TIMP3: variants seen among roughly 807,000 people sequenced by gnomAD.
TIMP3 encodes TIMP metallopeptidase inhibitor 3.
In TIMP3, 11 loss-of-function variants were observed where a neutral mutation model predicts 30.0. The observed-to-expected ratio is 0.37, with a 90% confidence interval of 0.23 to 0.61. TIMP3 has a LOEUF of 0.61. Ranked by LOEUF, TIMP3 falls within the 20% of genes least tolerant of loss-of-function variation. The pLI is 0.70. For missense variants in TIMP3, 181 were observed against 276.8 expected (o/e 0.65, Z 2.45); for synonymous variants, 112 against 111.3 (o/e 1.01, Z -0.04).
chr22:32,854,907 A>G (rs750367338), intron 2 of TIMP3, among the ~76,000 whole-genome samples: 2 of 152,200 alleles, frequency 1.3e-5, no homozygotes, highest in African/African-American at 4.8e-5. Flanking sequence ...AAGTTATGCT[A>G]TGAAGGTCTT....
chr22:32,804,287 C>A (rs1178228143), intron 1 of TIMP3, among the ~76,000 whole-genome samples: 1 of 152,152 alleles, frequency 6.6e-6, no homozygotes, highest in Non-Finnish European at 1.5e-5. Flanking sequence ...TGCTTGCCTG[C>A]CGACCTCCCT....
At chr22:32,820,667 C>T (rs2047220826) in intron 1 of TIMP3, among the ~76,000 whole-genome samples, 2 of 152,140 alleles carry the variant, frequency 1.3e-5, no homozygotes, top group African/African-American at 4.8e-5. Context: ...CGTGGCATCA[C>T]CAGGACCTGA....
chr22:32,810,924 G>A (rs949712014), intron 1 of TIMP3, among the ~76,000 whole-genome samples: 2 of 152,162 alleles, frequency 1.3e-5, no homozygotes, highest in Non-Finnish European at 2.9e-5. Flanking sequence ...AGTGAGCTCT[G>A]CTACTCCCAA....
In TIMP3 at chr22:32,818,888, G is replaced by A. The variant is rs776068567; in HGVS notation, c.121+16766G>A. Reference sequence around the variant, plus strand: ...ATGGGGCTCTGAAGCCACGGGCCAGGCAGGTAGTGGATTTCAAGCCAGCCA... The same window carrying A: ...ATGGGGCTCTGAAGCCACGGGCCAGACAGGTAGTGGATTTCAAGCCAGCCA... On this transcript the variant is annotated intron_variant, in intron 1 of 4. Transcript: ENST00000266085. 3.3e-4 allele frequency among the ~76,000 whole-genome samples: 51 copies of A among 152,322 alleles called. 1 individual carries two copies. The highest frequency in any genetic ancestry group is 6.3e-4 in the Non-Finnish European group (43 of 68,028).
rs556616090 is a variant in TIMP3 at position 32,860,565 on chromosome 22, C to T, written c.*1188C>T. 7 of 152,528 alleles carry T rather than the reference C, an allele frequency of 4.6e-5. No homozygotes were observed. In the East Asian group the frequency reaches 7.8e-4, roughly 17 times the overall value. The allele number at this position is 152,528 out of a possible 1,614,324, so 9.4% of individuals were successfully genotyped here. A position where few individuals can be genotyped will look rare whatever the true frequency, so the allele number is the denominator to read the frequency against. On this transcript the variant is annotated 3_prime_UTR_variant, in exon 5 of 5. Coordinates refer to ENST00000266085, the MANE Select transcript of TIMP3 (RefSeq NM_000362.5). ...TTCATTTTAATTAAAATTTGAAATT[C>T]TGAACACCGTCAGCACCCTCTCTTC...
At chr22:32,814,228 A>G (rs2047006719) in intron 1 of TIMP3, among the ~76,000 whole-genome samples, 1 of 142,032 alleles carries the variant, frequency 7.0e-6, no homozygotes, top group Non-Finnish European at 1.5e-5. Flanking sequence ...GGAAAGAAAG[A>G]AAAAAAAAGA....
At chr22:32,840,214 C>A (rs1319431192) in intron 1 of TIMP3, among the ~76,000 whole-genome samples, 2 of 152,164 alleles carry the variant, frequency 1.3e-5, no homozygotes, top group Admixed American at 6.5e-5. Context: ...TTTTTAGCCA[C>A]AGGCATTCAT....
At chr22:32,838,679 T>C (rs1357143204) in intron 1 of TIMP3, among the ~76,000 whole-genome samples, 1 of 152,042 alleles carries the variant, frequency 6.6e-6, no homozygotes, top group Non-Finnish European at 1.5e-5. Context: ...TTTTTACTTG[T>C]CCCTTCCTTT....
chr22:32,822,674 A>G (rs1175181621), intron 1 of TIMP3, among the ~76,000 whole-genome samples: 1 of 152,198 alleles, frequency 6.6e-6, no homozygotes, highest in African/African-American at 2.4e-5. Flanking sequence ...GAAGATCTGC[A>G]CTTCCTCTTC....
Position 32,818,176 on chromosome 22 carries a change from T to C in TIMP3, c.121+16054T>C, listed in dbSNP as rs373069909. On this transcript the variant is annotated intron_variant, in intron 1 of 4. Coordinates refer to ENST00000266085, the MANE Select transcript of TIMP3 (RefSeq NM_000362.5). ...AAAATTAATGGCACTGCCAGTTCAG[T>C]GGCTGCTCAGAGCGTTTTGGTGAAG... Among the ~76,000 whole-genome samples, 12 of 152,360 alleles carry C rather than the reference T, an allele frequency of 7.9e-5. No homozygotes were observed. In the South Asian group the frequency reaches 1.4e-3, roughly 18 times the overall value.
intron 1 of TIMP3, among the ~76,000 whole-genome samples, chr22:32,807,382 T>C: frequency 9.3e-6 from 1 of 107,532 alleles, no homozygotes; most frequent in East Asian, 2.5e-4. Flanking sequence ...ATATATAATA[T>C]ATATTATATA....
chr22:32,832,309 A>C (rs1368121799), intron 1 of TIMP3, among the ~76,000 whole-genome samples: 2 of 152,228 alleles, frequency 1.3e-5, no homozygotes, highest in African/African-American at 4.8e-5. Context: ...GAAATGCATG[A>C]GTTAGAAATA....
rs2047422340 is a variant in TIMP3 at position 32,826,634 on chromosome 22, CTA to C, written c.122-22816_122-22815del. ...AAGAAAGAAAAAAACTAGATATTCA[CTA>C]TGTGTCATCTTGTTGACTATTCTCT... On this transcript the variant is annotated intron_variant, in intron 1 of 4. Transcript: ENST00000266085. 2.6e-5 allele frequency among the ~76,000 whole-genome samples: 4 copies of C among 152,298 alleles called. No homozygotes were observed. In the South Asian group the frequency reaches 8.3e-4, roughly 32 times the overall value.
At chr22:32,816,122 G>A (rs2047082581) in intron 1 of TIMP3, among the ~76,000 whole-genome samples, 1 of 152,200 alleles carries the variant, frequency 6.6e-6, no homozygotes, top group Admixed American at 6.5e-5. Flanking sequence ...GTTAAGCAGG[G>A]TGGGAAGAAC....
At chr22:32,845,323 A>C (rs1018269306) in intron 1 of TIMP3, among the ~76,000 whole-genome samples, 2 of 151,946 alleles carry the variant, frequency 1.3e-5, no homozygotes, top group African/African-American at 2.4e-5. Context: ...CAGCCTCCCA[A>C]GTAGCTGGGA....
intron 1 of TIMP3, among the ~76,000 whole-genome samples, chr22:32,847,121 T>C (rs1387593121): frequency 6.6e-6 from 1 of 152,160 alleles, no homozygotes; most frequent in Non-Finnish European, 1.5e-5. Flanking sequence ...TTACCTTCTG[T>C]GTTAATGAGG....
At chr22:32,833,611 T>C (rs1466079151) in intron 1 of TIMP3, among the ~76,000 whole-genome samples, 2 of 152,138 alleles carry the variant, frequency 1.3e-5, no homozygotes, top group Non-Finnish European at 2.9e-5. Flanking sequence ...CACTGTGCCG[T>C]AGTTTAACAT....
intron 1 of TIMP3, among the ~76,000 whole-genome samples, chr22:32,822,742 TG>T (rs2047286979): frequency 6.6e-6 from 1 of 151,926 alleles, no homozygotes; most frequent in African/African-American, 2.4e-5. Flanking sequence ...TCAAAGGAGG[TG>T]GGTGTGGCCC....
At chr22:32,845,015 C>A (rs1034189903) in intron 1 of TIMP3, among the ~76,000 whole-genome samples, 5 of 152,104 alleles carry the variant, frequency 3.3e-5, no homozygotes. Flanking sequence ...AGGCATGTGC[C>A]ACCACACCCA....
Sources: gnomAD v4.1 joint callset for allele counts (sites outside exome capture counted in the v4.1 genomes callset) on GRCh38, gnomAD v4.1.1 for gene constraint, MANE v1.5 for transcripts, NCBI Gene and HGNC (gene_info 2026-07-23, HGNC 2026-07-21) for gene names.